The following TENM3 variants were observed in gnomAD, a reference collection of about 807,000 sequenced individuals.
The protein encoded by TENM3 is teneurin-3.
TENM3 carries 63 observed loss-of-function variants against 255.1 expected under a neutral mutation model. The ratio of observed to expected loss-of-function variants is 0.25; its 90% confidence interval spans 0.20 to 0.30. The LOEUF (loss-of-function observed/expected upper bound fraction) is 0.30, where lower values mean the gene tolerates loss of function less well. Ranked by LOEUF, TENM3 falls within the 10% of genes least tolerant of loss-of-function variation. TENM3 has a pLI of 1.00. For missense variants in TENM3, 2,929 were observed against 3,461.1 expected, an observed-to-expected ratio of 0.85 and a Z score of 3.86; for synonymous variants, 1,306 against 1,322.3, an observed-to-expected ratio of 0.99 and a Z score of 0.27.
chr4:182,133,248 T>C, the TENM3 span, among the ~76,000 whole-genome samples: 2 of 152,210 alleles, frequency 1.3e-5, no homozygotes, highest in Non-Finnish European at 2.9e-5. Context: ...GAAGTGAAGA[T>C]GGCAGGATAG....
chr4:181,466,395 C>G, the TENM3 span, among the ~76,000 whole-genome samples: 1 of 152,106 alleles, frequency 6.6e-6, no homozygotes, highest in Non-Finnish European at 1.5e-5. Context: ...GGATTACAGG[C>G]ATGAGCCACC....
chr4:181,704,193 C>CTGTT, the TENM3 span, among the ~76,000 whole-genome samples: 2 of 152,172 alleles, frequency 1.3e-5, no homozygotes, highest in South Asian at 4.1e-4. Context: ...TTCCCTTTCA[C>CTGTT]TGTTTTATGT....
Position 182,323,716 on chromosome 4 carries a change from C to T in TENM3, c.-75-230C>T, listed in dbSNP as rs6828445. On this transcript the variant is annotated intron_variant, in intron 1 of 27. Coordinates refer to ENST00000511685, the MANE Select transcript of TENM3 (RefSeq NM_001080477.4). ...TTGTATTAATGGGGAAAATCAGATACAGTAGCTTCAATAAACACTCATAGC... is the reference window on the plus strand; with the variant it reads ...TTGTATTAATGGGGAAAATCAGATATAGTAGCTTCAATAAACACTCATAGC... Among the ~76,000 whole-genome samples, 51,175 of 151,932 alleles carry T rather than the reference C, an allele frequency of 0.34. 9,767 individuals carry two copies. The highest frequency in any genetic ancestry group is 0.53 in the African/African-American group (21,768 of 41,402).
In TENM3 at chr4:182,513,826, C is replaced by T. The variant is rs1332846073; in HGVS notation, c.512-87098C>T. 2.6e-5 allele frequency among the ~76,000 whole-genome samples: 4 copies of T among 152,202 alleles called. No individual in the cohort carries two copies. In the East Asian group the frequency reaches 7.7e-4, roughly 29 times the overall value. ...ATCAACCCAGAGCGCACACCTCAAC[C>T]ATCTCCTTTAGTGGGCTTTCACACT... On this transcript the variant is annotated intron_variant, in intron 3 of 27. Transcript: ENST00000511685.
intron 1 of TENM3, among the ~76,000 whole-genome samples, chr4:182,272,016 T>C (rs1759665993): frequency 1.3e-5 from 2 of 152,180 alleles, no homozygotes; most frequent in African/African-American, 4.8e-5. Context: ...GTGGTTTGTC[T>C]CCACACAGCT....
At position 182,800,480 on chromosome 4, in the gene TENM3, C is replaced by A; in HGVS notation, c.*129C>A. 3 of 1,180,422 alleles carry A rather than the reference C, an allele frequency of 2.5e-6. No individual in the cohort carries two copies. Among genetic ancestry groups the A allele is most frequent in the Non-Finnish European group, 3.4e-6 (3 of 873,738 alleles). 73.1% of individuals were successfully genotyped at this position (1,180,422 alleles called of 1,614,324 possible). A position where few individuals can be genotyped will look rare whatever the true frequency, so the allele number is the denominator to read the frequency against. ...ATGAGACTGCTGTTACGACCCACAC[C>A]CACACCGCGAAAACAAGGACCGCTT... On this transcript the variant is annotated 3_prime_UTR_variant, in exon 28 of 28. Coordinates refer to ENST00000511685, the MANE Select transcript of TENM3 (RefSeq NM_001080477.4).
chr4:182,468,604 A>T (rs1227908645), intron 3 of TENM3, among the ~76,000 whole-genome samples: 2 of 152,150 alleles, frequency 1.3e-5, no homozygotes, highest in Admixed American at 1.3e-4. Context: ...TTGTTTGTCT[A>T]CTACTACCTG....
the TENM3 span, among the ~76,000 whole-genome samples, chr4:181,494,128 A>C: frequency 1.3e-5 from 2 of 152,180 alleles, no homozygotes; most frequent in Non-Finnish European, 2.9e-5. Context: ...ACACCTAATA[A>C]GTGGTGAACT....
intron 4 of TENM3, among the ~76,000 whole-genome samples, chr4:182,608,584 T>C (rs28699323): frequency 0.036 from 5,533 of 152,254 alleles, 356 homozygotes; most frequent in African/African-American, 0.13. Flanking sequence ...GCTGTGTTGA[T>C]GTAAAAGAGC....
At chr4:182,466,066 A>G (rs1283413283) in intron 3 of TENM3, among the ~76,000 whole-genome samples, 1 of 152,216 alleles carries the variant, frequency 6.6e-6, no homozygotes, top group Non-Finnish European at 1.5e-5. Flanking sequence ...TTAAACCTCA[A>G]TGTAAATCAC....
the TENM3 span, among the ~76,000 whole-genome samples, chr4:181,689,850 TC>T: frequency 6.6e-6 from 1 of 151,904 alleles, no homozygotes; most frequent in African/African-American, 2.4e-5. Flanking sequence ...TACGGATACA[TC>T]CCCCTACCAC....
intron 13 of TENM3, among the ~76,000 whole-genome samples, chr4:182,717,181 C>T (rs1243682155): frequency 6.6e-6 from 1 of 152,176 alleles, no homozygotes; most frequent in Non-Finnish European, 1.5e-5. Flanking sequence ...GTCAAGTTTG[C>T]CCCATCACCA....
At chr4:182,333,260 A>T (rs1763896269) in intron 2 of TENM3, among the ~76,000 whole-genome samples, 1 of 152,352 alleles carries the variant, frequency 6.6e-6, no homozygotes, top group African/African-American at 2.4e-5. Flanking sequence ...CAAAAAAAGA[A>T]ATCATACATA....
chr4:181,797,859 T>A, the TENM3 span, among the ~76,000 whole-genome samples: 1 of 152,166 alleles, frequency 6.6e-6, no homozygotes, highest in South Asian at 2.1e-4. Context: ...AAGGAACCTA[T>A]GAGGCGATAA....
chr4:182,717,898 A>C lies in TENM3; in HGVS notation c.2368+3665A>C, dbSNP rs1579219295. On this transcript the variant is annotated intron_variant, in intron 13 of 27. Transcript: ENST00000511685. ...GAAGTTGCTGAGTCCAGAGAATAGGAAGGTGAAGAGATGGGAGCTGCTCAC... is the reference window on the plus strand; with the variant it reads ...GAAGTTGCTGAGTCCAGAGAATAGGCAGGTGAAGAGATGGGAGCTGCTCAC... 2.6e-5 allele frequency among the ~76,000 whole-genome samples: 4 copies of C among 152,292 alleles called. No individual in the cohort carries two copies. The South Asian group carries it at 8.3e-4, about 32-fold the overall frequency.
the TENM3 span, among the ~76,000 whole-genome samples, chr4:181,527,016 C>T: frequency 6.6e-6 from 1 of 152,170 alleles, no homozygotes. Context: ...TGCTCAGTGA[C>T]TTAGCCCTGG....
chr4:181,943,064 A>G, the TENM3 span, among the ~76,000 whole-genome samples: 1 of 152,166 alleles, frequency 6.6e-6, no homozygotes, highest in Admixed American at 6.5e-5. Context: ...GGAGTAAAAC[A>G]CCTTTTGAAC....
the TENM3 span, among the ~76,000 whole-genome samples, chr4:182,013,059 C>T: frequency 6.6e-6 from 1 of 152,060 alleles, no homozygotes; most frequent in Non-Finnish European, 1.5e-5. Flanking sequence ...TTTACTTGTC[C>T]ATTATATCAC....
chr4:182,024,568 G>C, the TENM3 span, among the ~76,000 whole-genome samples: 5 of 152,054 alleles, frequency 3.3e-5, no homozygotes, highest in African/African-American at 9.6e-5. Flanking sequence ...AATTTATGTG[G>C]GTACATAGCA....
Sources: gnomAD v4.1 joint callset for allele counts (sites outside exome capture counted in the v4.1 genomes callset) on GRCh38, gnomAD v4.1.1 for gene constraint, MANE v1.5 for transcripts, NCBI Gene and HGNC (gene_info 2026-07-23, HGNC 2026-07-21) for gene names.